Variants in CDH13 observed in about 807,000 individuals in gnomAD.
The protein encoded by CDH13 is cadherin 13, also known as cadherin-13.
CDH13 carries 24 observed loss-of-function variants against 63.8 expected under a neutral mutation model. The ratio of observed to expected loss-of-function variants is 0.38; its 90% CI spans 0.27 to 0.53. The LOEUF is 0.53. CDH13 is among the 20% of genes least tolerant of loss of function. The pLI is 0.85. For synonymous variants in CDH13, 503 were observed against 355.3 expected, an observed-to-expected ratio of 1.42 and a Z score of -4.67; for missense variants, 1,049 against 903.1, an observed-to-expected ratio of 1.16 and a Z score of -2.07.
chr16:83,761,447 A>G (rs1913959679), intron 11 of CDH13, among the ~76,000 whole-genome samples: 3 of 152,244 alleles, frequency 2.0e-5, no homozygotes, highest in African/African-American at 7.2e-5. Flanking sequence ...CTCAAGCCAA[A>G]GTAAGCTGAG....
At chr16:83,477,191 A>T (rs2073627863) in intron 6 of CDH13, among the ~76,000 whole-genome samples, 1 of 152,256 alleles carries the variant, frequency 6.6e-6, no homozygotes, top group Non-Finnish European at 1.5e-5. Context: ...TGTTGCCATC[A>T]TCTCTTTATC....
At chr16:83,355,923 C>T (rs916953218) in intron 6 of CDH13, among the ~76,000 whole-genome samples, 5 of 152,206 alleles carry the variant, frequency 3.3e-5, no homozygotes, top group African/African-American at 9.6e-5. Flanking sequence ...CCAGGTTCCA[C>T]ACCTACCTTT....
In CDH13 at chr16:83,139,290, A is replaced by G. The variant is rs58629669; in HGVS notation, c.483+13789A>G. ...TCTTCCCAGTGTCCCTGACTCATCC[A>G]TGCCTAGGGATTTTACTTTAGTCCT... On this transcript the variant is annotated intron_variant, in intron 4 of 13. Transcript: ENST00000567109. 4.4e-3 allele frequency among the ~76,000 whole-genome samples: 669 copies of G among 152,322 alleles called. 4 individuals carry two copies. Among genetic ancestry groups the G allele is most frequent in the African/African-American group, 0.015 (635 of 41,572 alleles).
Position 82,673,290 on chromosome 16 carries a change from C to CCATT in CDH13, c.45+46168_45+46171dup, listed in dbSNP as rs753617927. Among the ~76,000 whole-genome samples, 51 of 152,210 alleles carry CCATT rather than the reference C, an allele frequency of 3.4e-4. 1 individual carries two copies. The highest frequency in any genetic ancestry group is 4.6e-4 in the Non-Finnish European group (31 of 68,000). On this transcript the variant is annotated intron_variant, in intron 1 of 13. Coordinates refer to ENST00000567109, the MANE Select transcript of CDH13 (RefSeq NM_001257.5). ...TCTCTTTCCTCTGTCATTCATTCAA[C>CCATT]CATTCATTCATTCATTCAATAAACA...
chr16:83,401,386 C>T (rs948932399), intron 6 of CDH13, among the ~76,000 whole-genome samples: 1 of 151,374 alleles, frequency 6.6e-6, no homozygotes, highest in Non-Finnish European at 1.5e-5. Context: ...AAAAATTAGC[C>T]AGGCGTGGTA....
intron 7 of CDH13, among the ~76,000 whole-genome samples, chr16:83,508,051 G>GAAA (rs1435274682): frequency 8.5e-6 from 1 of 117,976 alleles, no homozygotes; most frequent in South Asian, 3.6e-4. Context: ...AAGAGAGAAA[G>GAAA]AGAAGAAGGA....
At chr16:83,391,162 C>G (rs2091778296) in intron 6 of CDH13, among the ~76,000 whole-genome samples, 1 of 151,986 alleles carries the variant, frequency 6.6e-6, no homozygotes, top group Admixed American at 6.6e-5. Flanking sequence ...CCAAGATGCT[C>G]TTTAGTATCC....
At chr16:83,499,978 T>C (rs1275408287) in intron 7 of CDH13, among the ~76,000 whole-genome samples, 1 of 152,062 alleles carries the variant, frequency 6.6e-6, no homozygotes, top group African/African-American at 2.4e-5. Context: ...AATTTTTGTA[T>C]TTTTAGTAGA....
intron 3 of CDH13, among the ~76,000 whole-genome samples, chr16:83,064,620 T>C (rs1190111816): frequency 6.6e-6 from 1 of 152,220 alleles, no homozygotes; most frequent in Non-Finnish European, 1.5e-5. Context: ...TTTTCCATAC[T>C]AAGTTTTAGA....
intron 3 of CDH13, among the ~76,000 whole-genome samples, chr16:83,100,649 T>G (rs888925136): frequency 6.6e-6 from 1 of 152,224 alleles, no homozygotes; most frequent in Non-Finnish European, 1.5e-5. Context: ...CTCAACTTCA[T>G]AACCTATTCT....
intron 1 of CDH13, among the ~76,000 whole-genome samples, chr16:82,751,087 G>A (rs2034394880): frequency 6.6e-6 from 1 of 152,072 alleles, no homozygotes; most frequent in African/African-American, 2.4e-5. Flanking sequence ...CATCTATCCA[G>A]TTCCCTATTT....
At chr16:83,071,920 T>C (rs754968976) in intron 3 of CDH13, among the ~76,000 whole-genome samples, 2 of 152,186 alleles carry the variant, frequency 1.3e-5, no homozygotes, top group Non-Finnish European at 2.9e-5. Context: ...ATCATCTATG[T>C]GGTCATCTAA....
intron 7 of CDH13, among the ~76,000 whole-genome samples, chr16:83,493,570 G>A (rs1326747933): frequency 6.6e-6 from 1 of 152,156 alleles, no homozygotes; most frequent in African/African-American, 2.4e-5. Flanking sequence ...GGCATCGTGG[G>A]GAAAGGAGTG....
intron 3 of CDH13, among the ~76,000 whole-genome samples, chr16:83,087,671 C>CAAAAAAAAAAAAAAAAAA (rs67228844): frequency 2.3e-5 from 1 of 43,998 alleles, no homozygotes; most frequent in African/African-American, 8.7e-5. Flanking sequence ...CCCTCCGTCT[C>CAAAAAAAAAAAAAAAAAA]AAAAAAAAAA....
intron 1 of CDH13, among the ~76,000 whole-genome samples, chr16:82,669,771 C>A (rs193109768): frequency 6.6e-6 from 1 of 152,208 alleles, no homozygotes; most frequent in South Asian, 2.1e-4. Context: ...CCAGTTATCA[C>A]CCTCTCCAGT....
At chr16:83,375,442 T>C (rs190293964) in intron 6 of CDH13, among the ~76,000 whole-genome samples, 2 of 152,328 alleles carry the variant, frequency 1.3e-5, no homozygotes, top group Admixed American at 6.5e-5. Context: ...ATTGTACTCA[T>C]TCTGCTGACA....
At chr16:82,875,037 A>G (rs777212627) in intron 2 of CDH13, among the ~76,000 whole-genome samples, 4 of 152,234 alleles carry the variant, frequency 2.6e-5, no homozygotes, top group Non-Finnish European at 4.4e-5. Context: ...TACACCTCCC[A>G]AATAAAGGCC....
intron 1 of CDH13, among the ~76,000 whole-genome samples, chr16:82,735,905 A>G (rs943507014): frequency 3.3e-5 from 5 of 152,200 alleles, no homozygotes; most frequent in African/African-American, 1.2e-4. Flanking sequence ...GGCTATTTAC[A>G]TGAGATTGAC....
chr16:83,794,910 G>T, intron 13 of CDH13, 113 bp from the exon 14 acceptor site: 1 of 933,856 alleles, frequency 1.1e-6, no homozygotes, highest in Non-Finnish European at 1.7e-6. Context: ...ATAGTCGTGT[G>T]ATGTTTAAAA....
Sources: allele counts gnomAD v4.1 joint callset (sites outside exome capture counted in the v4.1 genomes callset), GRCh38; gene constraint gnomAD v4.1.1; transcripts MANE v1.5; gene names NCBI Gene and HGNC (gene_info 2026-07-23, HGNC 2026-07-21).